CD302: variants seen among roughly 807,000 people sequenced by gnomAD.
CD302 encodes CD302 antigen.
Under a neutral mutation model 26.5 loss-of-function variants are expected in CD302, and 23 were observed. That is an observed-to-expected ratio of 0.87 (90% CI 0.62 to 1.23). The LOEUF (loss-of-function observed/expected upper bound fraction) is 1.23. CD302 is among the 50% of genes most tolerant of loss of function. The pLI is 0.00. For synonymous variants in CD302, 90 were observed against 99.4 expected (o/e 0.91, Z 0.56); for missense variants, 290 against 275.5 (o/e 1.05, Z -0.37).
chr2:159,774,869 T>TTAAC (rs1034857909), intron 5 of CD302, among the ~76,000 whole-genome samples: 5 of 133,326 alleles, frequency 3.8e-5, no homozygotes, highest in African/African-American at 1.2e-4. Flanking sequence ...GCAGCTACAC[T>TTAAC]TAACTGTTGG....
intron 2 of CD302, among the ~76,000 whole-genome samples, chr2:159,782,848 C>G (rs1321080842): frequency 2.6e-5 from 4 of 152,108 alleles, no homozygotes; most frequent in Non-Finnish European, 5.9e-5. Flanking sequence ...ATGTACTCTT[C>G]TTTACTACAG....
At chr2:159,772,484 C>A (rs1708182385) in intron 5 of CD302, among the ~76,000 whole-genome samples, 1 of 152,148 alleles carries the variant, frequency 6.6e-6, no homozygotes, top group South Asian at 2.1e-4. Flanking sequence ...GAAAAAAACA[C>A]CAAGACCTGC....
At chr2:159,794,097 CA>C (rs549235973) in intron 1 of CD302, among the ~76,000 whole-genome samples, 66,002 of 106,952 alleles carry the variant, frequency 0.62, 17,389 homozygotes, top group Admixed American at 0.69. Flanking sequence ...CCCACCTCTA[CA>C]AAAAAAAAAA....
At chr2:159,777,571 T>C (rs961512275) in intron 5 of CD302, among the ~76,000 whole-genome samples, 1 of 152,240 alleles carries the variant, frequency 6.6e-6, no homozygotes, top group Non-Finnish European at 1.5e-5. Flanking sequence ...AGAATGTTCA[T>C]AGGCAGTTCT....
intron 1 of CD302, among the ~76,000 whole-genome samples, chr2:159,788,127 A>G (rs1335203796): frequency 1.3e-5 from 2 of 152,146 alleles, no homozygotes; most frequent in African/African-American, 4.8e-5. Context: ...AAGAAAAAGA[A>G]AAAAGGTCTT....
intron 4 of CD302, 86 bp from the exon 5 acceptor site, chr2:159,778,050 TAAAC>T (rs1202943236): frequency 7.7e-6 from 4 of 520,970 alleles, no homozygotes; most frequent in African/African-American, 2.3e-5. Flanking sequence ...TCATTAAAAA[TAAAC>T]CCTTTTATTA....
chr2:159,797,996 C>T, intron 1 of CD302, 136 bp downstream of exon 1: 6 of 791,452 alleles, frequency 7.6e-6, no homozygotes, highest in South Asian at 5.6e-5. Flanking sequence ...GACGGGCGTG[C>T]AGGGAAGGGC....
chr2:159,782,930 T>C (rs1195904045), intron 2 of CD302, among the ~76,000 whole-genome samples: 1 of 152,224 alleles, frequency 6.6e-6, no homozygotes, highest in African/African-American at 2.4e-5. Flanking sequence ...TTAAGAACTC[T>C]AAGCCTAAAA....
chr2:159,769,965 T>G lies in CD302; in HGVS notation c.*1886A>C, dbSNP rs980049373. 2.6e-5 allele frequency: 4 copies of G among 152,198 alleles called. No homozygotes were observed. Among genetic ancestry groups the G allele is most frequent in the Admixed American group, 1.3e-4 (2 of 15,278 alleles). The allele number at this position is 152,198 out of a possible 1,614,324, so 9.4% of individuals were successfully genotyped here. A position where few individuals can be genotyped will look rare whatever the true frequency, so the allele number is the denominator to read the frequency against. On this transcript the variant is annotated 3_prime_UTR_variant, in exon 6 of 6. Coordinates refer to ENST00000259053, the MANE Select transcript of CD302 (RefSeq NM_014880.5). ...TTCGAAAACTGGATTTTAAACTAAA[T>G]TTACTTAAATAGCCTCATGTGGCTA...
chr2:159,795,875 C>T (rs907928636), intron 1 of CD302, among the ~76,000 whole-genome samples: 2 of 152,218 alleles, frequency 1.3e-5, no homozygotes, highest in East Asian at 1.9e-4. Context: ...AGGACTTACT[C>T]GGAACATGCT....
chr2:159,782,414 CAAAAAAAAA>C (rs72068957), intron 2 of CD302, among the ~76,000 whole-genome samples: 7,751 of 70,926 alleles, frequency 0.11, 307 homozygotes, highest in Middle Eastern at 0.24. Context: ...CTCCATCTCA[CAAAAAAAAA>C]AAAAAAAAAA....
chr2:159,779,409 C>T (rs977998964), intron 4 of CD302, among the ~76,000 whole-genome samples: 2 of 152,082 alleles, frequency 1.3e-5, no homozygotes, highest in Admixed American at 1.3e-4. Flanking sequence ...GATTACTCTT[C>T]ACCACTTCTG....
Position 159,777,834 on chromosome 2 carries a change from AT to A in CD302, c.496+103del, listed in dbSNP as rs1478651124. 3 of 563,056 alleles carry A rather than the reference AT, an allele frequency of 5.3e-6. No individual in the cohort carries two copies. The African/African-American group carries it at 6.1e-5, about 11-fold the overall frequency. The allele number at this position is 563,056 out of a possible 1,614,324, so 34.9% of individuals were successfully genotyped here. ...ATTCTTATAAAAATTGTTCTACTTT[AT>A]ATTACATAATTTTAAAAAGGGATCT... On this transcript the variant is annotated intron_variant, in intron 5 of 5. Transcript: ENST00000259053.
At chr2:159,773,578 C>T (rs115484578) in intron 5 of CD302, among the ~76,000 whole-genome samples, 2 of 152,248 alleles carry the variant, frequency 1.3e-5, no homozygotes, top group South Asian at 4.1e-4. Flanking sequence ...CCAAGATGGG[C>T]GAGACACAGT....
At chr2:159,781,815 A>G (rs1024871525) in intron 2 of CD302, among the ~76,000 whole-genome samples, 2 of 152,188 alleles carry the variant, frequency 1.3e-5, no homozygotes, top group Non-Finnish European at 2.9e-5. Flanking sequence ...AACAACATAT[A>G]TGTATTAAGT....
rs1560052350 is a variant in CD302 at position 159,794,306 on chromosome 2, A to AAAATAAAATAAAATAAAATAAT, written c.67+3825_67+3826insATTATTTTATTTTATTTTATTT. On this transcript the variant is annotated intron_variant, in intron 1 of 5. Coordinates refer to ENST00000259053, the MANE Select transcript of CD302 (RefSeq NM_014880.5). Reference sequence around the variant, plus strand: ...ATAAAATAAAATAAAATAAAATAATAAAAAAAAAAACACTAAATAACCCAC... The same window carrying AAAATAAAATAAAATAAAATAAT: ...ATAAAATAAAATAAAATAAAATAATAAAATAAAATAAAATAAAATAATAAAAAAAAAACACTAAATAACCCAC... Among the ~76,000 whole-genome samples, 89 of 8,946 alleles carry AAAATAAAATAAAATAAAATAAT rather than the reference A, an allele frequency of 9.9e-3. No individual in the cohort carries two copies. In the Middle Eastern group the frequency reaches 0.25, roughly 25 times the overall value. The allele number at this position is 8,946 out of a possible 152,430, so 5.9% of individuals were successfully genotyped here. A position where few individuals can be genotyped will look rare whatever the true frequency, so the allele number is the denominator to read the frequency against.
At chr2:159,774,842 C>G (rs549703291) in intron 5 of CD302, among the ~76,000 whole-genome samples, 3 of 151,978 alleles carry the variant, frequency 2.0e-5, no homozygotes, top group Non-Finnish European at 2.9e-5. Context: ...AAGGGGAACT[C>G]CCTGTTTGCC....
chr2:159,795,220 C>T (rs1360589571), intron 1 of CD302, among the ~76,000 whole-genome samples: 1 of 147,384 alleles, frequency 6.8e-6, no homozygotes, highest in Non-Finnish European at 1.5e-5. Context: ...GAGACTCCAT[C>T]TCGGAAAAAA....
chr2:159,774,214 C>CAAGT (rs1262544725), intron 5 of CD302, among the ~76,000 whole-genome samples: 1 of 152,132 alleles, frequency 6.6e-6, no homozygotes, highest in Non-Finnish European at 1.5e-5. Context: ...CTCAACCATT[C>CAAGT]AAGTCTTTTA....
Sources: allele counts gnomAD v4.1 joint callset (sites outside exome capture counted in the v4.1 genomes callset), GRCh38; gene constraint gnomAD v4.1.1; transcripts MANE v1.5; gene names NCBI Gene and HGNC (gene_info 2026-07-23, HGNC 2026-07-21).